Variants in ACSM5 observed in about 807,000 individuals in gnomAD.
The protein encoded by ACSM5 is acyl-coenzyme A synthetase ACSM5, mitochondrial.
Under a neutral mutation model 71.6 loss-of-function variants are expected in ACSM5, and 56 were observed. The ratio of observed to expected loss-of-function variants is 0.78; its 90% CI spans 0.63 to 0.98. The LOEUF (loss-of-function observed/expected upper bound fraction) is 0.98, where lower values mean the gene tolerates loss of function less well. ACSM5 is among the 50% of genes least tolerant of loss of function. The pLI is 0.00. For missense variants in ACSM5, 723 were observed against 726.0 expected (o/e 1.00, Z 0.05); for synonymous variants, 285 against 281.5 (o/e 1.01, Z -0.12).
chr16:20,421,527 T>C, intron 5 of ACSM5, 126 bp downstream of exon 5: 4 of 868,004 alleles, frequency 4.6e-6, no homozygotes, highest in Admixed American at 3.9e-5. Context: ...GAGAAGCCAA[T>C]AGGAGCAGCT....
At chr16:20,439,167 A>G (rs1967265829) in intron 12 of ACSM5, among the ~76,000 whole-genome samples, 1 of 145,924 alleles carries the variant, frequency 6.9e-6, no homozygotes, top group Non-Finnish European at 1.5e-5. Flanking sequence ...CATCCAAGTG[A>G]CCTTCCATTC....
At chr16:20,428,930 A>G (rs113303095) in intron 7 of ACSM5, among the ~76,000 whole-genome samples, 1 of 151,914 alleles carries the variant, frequency 6.6e-6, no homozygotes, top group Non-Finnish European at 1.5e-5. Context: ...ATCTGTAGGA[A>G]TTTTTGGGAT....
In ACSM5 at chr16:20,440,599, A is replaced by G; in HGVS notation, c.*172A>G. On this transcript the variant is annotated 3_prime_UTR_variant, in exon 14 of 14. Coordinates refer to ENST00000331849, the MANE Select transcript of ACSM5 (RefSeq NM_017888.3). ...GGGCAATGCTGGAAAGAGCAAAAGA[A>G]TATCATTGGCCCTGATCACATAGAT... 1 of 616,198 alleles carries G rather than the reference A, an allele frequency of 1.6e-6. No individual in the cohort carries two copies. Among genetic ancestry groups the G allele is most frequent in the Non-Finnish European group, 2.9e-6 (1 of 341,078 alleles). The allele number at this position is 616,198 out of a possible 1,614,324, so 38.2% of individuals were successfully genotyped here. A position where few individuals can be genotyped will look rare whatever the true frequency, so the allele number is the denominator to read the frequency against.
intron 3 of ACSM5, among the ~76,000 whole-genome samples, chr16:20,418,580 A>G (rs1431780630): frequency 6.6e-6 from 1 of 152,172 alleles, no homozygotes; most frequent in Non-Finnish European, 1.5e-5. Context: ...AATGAATACC[A>G]GTGTTATCAG....
chr16:20,411,589 C>G lies in ACSM5; in HGVS notation c.105C>G (p.Ile35Met). The change falls in exon 2 of 14, where the codon ATC (isoleucine) becomes ATG (methionine). Residue 35 changes from isoleucine (I) to methionine (M), a missense_variant. Transcript: ENST00000331849. ...CACCTCTACCTGTTCCTCAGAAGAT[C>G]GTGGCCACCTGGGAAGCCATCAGCC... ...KPAPLPVPQKIVATWEAISLG... is the reference protein window; with the variant it reads ...KPAPLPVPQKMVATWEAISLG... 6.2e-7 allele frequency: 1 copy of G among 1,614,110 alleles called. No individual in the cohort carries two copies. Among genetic ancestry groups the G allele is most frequent in the Non-Finnish European group, 8.5e-7 (1 of 1,180,016 alleles).
At position 20,440,346 on chromosome 16, in the gene ACSM5, G is replaced by T. The variant is rs1967301432; in HGVS notation, c.1659G>T (p.Val553=). ...TTTGTTTTGTGTTTGGTCACTAGGTGGCCTTTGTTTCAGAACTGCCAAAGA... is the reference window on the plus strand; with the variant it reads ...TTTGTTTTGTGTTTGGTCACTAGGTTGCCTTTGTTTCAGAACTGCCAAAGA... ...VTAPYKYPRK[V]AFVSELPKTV... Residue 553 remains valine, a splice_region_variant and synonymous_variant, in exon 14 of 14, where the codon GTG becomes GTT. Transcript: ENST00000331849. 1 of 1,555,796 alleles carries T rather than the reference G, an allele frequency of 6.4e-7. No homozygotes were observed. Among genetic ancestry groups the T allele is most frequent in the African/African-American group, 1.4e-5 (1 of 74,004 alleles).
chr16:20,428,151 G>T (rs1967026169), intron 7 of ACSM5, among the ~76,000 whole-genome samples: 1 of 152,186 alleles, frequency 6.6e-6, no homozygotes, highest in Non-Finnish European at 1.5e-5. Flanking sequence ...AAGGCAGACT[G>T]AAATTTTAGC....
chr16:20,432,620 A>G (rs1967120892), intron 10 of ACSM5, among the ~76,000 whole-genome samples: 1 of 152,080 alleles, frequency 6.6e-6, no homozygotes, highest in Admixed American at 6.5e-5. Flanking sequence ...TTCATTCATT[A>G]TTTATTGTCG....
intron 8 of ACSM5, among the ~76,000 whole-genome samples, chr16:20,430,040 A>T (rs368329890): frequency 2.0e-4 from 31 of 152,302 alleles, no homozygotes; most frequent in Middle Eastern, 6.8e-3. Context: ...TTGGAGACTC[A>T]GAAGGAAGAA....
chr16:20,437,699 A>AT (rs1407372438), intron 12 of ACSM5, among the ~76,000 whole-genome samples: 1 of 149,372 alleles, frequency 6.7e-6, no homozygotes, highest in Non-Finnish European at 1.5e-5. Context: ...AGATGAGGAC[A>AT]TAGCAAGCAC....
Position 20,419,361 on chromosome 16 carries a change from C to G in ACSM5, c.549C>G (p.Cys183Trp). Reference sequence around the variant, plus strand: ...GGGTGGATGCCATCAGTGCCGAATGCCCCTCCCTCCAGACCAAGCTGCTGG... The same window carrying G: ...GGGTGGATGCCATCAGTGCCGAATGGCCCTCCCTCCAGACCAAGCTGCTGG... The part of the protein sequence containing the change: ...APRVDAISAE[C>W]PSLQTKLLVS... Residue 183 changes from cysteine to tryptophan, a missense_variant, in exon 4 of 14, where the codon TGC (cysteine) becomes TGG (tryptophan). Physicochemically the swap from Cys to Trp is radical, Grantham distance 215. Coordinates refer to ENST00000331849, the MANE Select transcript of ACSM5 (RefSeq NM_017888.3). 1.9e-6 allele frequency: 3 copies of G among 1,614,172 alleles called. No homozygotes were observed. Among genetic ancestry groups the G allele is most frequent in the Non-Finnish European group, 2.5e-6 (3 of 1,180,028 alleles).
intron 2 of ACSM5, among the ~76,000 whole-genome samples, chr16:20,414,217 C>G (rs1265172844): frequency 1.3e-5 from 2 of 152,136 alleles, no homozygotes; most frequent in African/African-American, 4.8e-5. Context: ...TCCCTGAAAC[C>G]TGTGAGTATG....
chr16:20,423,685 G>A (rs1966921598), intron 5 of ACSM5, among the ~76,000 whole-genome samples: 1 of 152,152 alleles, frequency 6.6e-6, no homozygotes, highest in African/African-American at 2.4e-5. Context: ...CACATCCACT[G>A]GACTGTGAAC....
chr16:20,430,259 A>C (rs547957039), intron 8 of ACSM5, among the ~76,000 whole-genome samples: 1 of 151,758 alleles, frequency 6.6e-6, no homozygotes, highest in South Asian at 2.1e-4. Context: ...AAAAAAAGGT[A>C]ATTTAAAGTA....
intron 8 of ACSM5, 39 bp downstream of exon 8, chr16:20,429,840 C>T: frequency 6.2e-7 from 1 of 1,603,068 alleles, no homozygotes. Flanking sequence ...CCCCCAGGTC[C>T]CCTCGAGAGC....
At chr16:20,431,954 A>ATAAGAAT (rs1197146927) in intron 10 of ACSM5, among the ~76,000 whole-genome samples, 1 of 143,742 alleles carries the variant, frequency 7.0e-6, no homozygotes, top group African/African-American at 2.5e-5. Context: ...CAAAAAAAAA[A>ATAAGAAT]AATAATAATA....
intron 12 of ACSM5, among the ~76,000 whole-genome samples, chr16:20,439,202 C>G (rs1967266228): frequency 7.1e-6 from 1 of 141,136 alleles, no homozygotes; most frequent in South Asian, 2.4e-4. Context: ...GTTTGTTGTG[C>G]TTGAGTCTGG....
rs762136578 is a variant in ACSM5 at position 20,431,241 on chromosome 16, G to A, written c.1228G>A (p.Val410Ile). 56 of 1,614,016 alleles carry A rather than the reference G, an allele frequency of 3.5e-5. No individual in the cohort carries two copies. The highest frequency in any genetic ancestry group is 4.5e-5 in the East Asian group (2 of 44,876). The change falls in exon 10 of 14, where the codon GTC becomes ATC. Residue 410 changes from valine (V) to isoleucine (I), a missense_variant. Transcript: ENST00000331849. ...CCAGATTGTGGATGATGAGGGCAAC[G>A]TCCTGCCTCCTGGAGAAGAGGGGAA... is the stretch of plus-strand genomic sequence containing the variant. ...DVQIVDDEGNVLPPGEEGNVA... is the reference protein window; with the variant it reads ...DVQIVDDEGNILPPGEEGNVA...
At chr16:20,424,531 C>G (rs1380005660) in intron 6 of ACSM5, among the ~76,000 whole-genome samples, 2 of 147,636 alleles carry the variant, frequency 1.4e-5, no homozygotes, top group East Asian at 3.9e-4. Flanking sequence ...AGACACAGGT[C>G]ACCTTTCTTC....
Sources: allele counts gnomAD v4.1 joint callset (sites outside exome capture counted in the v4.1 genomes callset), GRCh38; gene constraint gnomAD v4.1.1; transcripts MANE v1.5; gene names NCBI Gene and HGNC (gene_info 2026-07-23, HGNC 2026-07-21).